Variants in LANCL2 observed in about 807,000 individuals in gnomAD.
The protein encoded by LANCL2 is LanC like glutathione S-transferase 2, also known as lanC-like protein 2.
In LANCL2, 33 loss-of-function variants were observed where a neutral mutation model predicts 56.9. The observed-to-expected ratio is 0.58, with a 90% CI of 0.44 to 0.78. LANCL2 has a LOEUF of 0.78. LANCL2 is among the 30% of genes least tolerant of loss of function. The pLI is 0.00. For synonymous variants in LANCL2, 233 were observed against 228.2 expected (o/e 1.02, Z -0.19); for missense variants, 562 against 580.2 (o/e 0.97, Z 0.32).
rs541268973 is a variant in LANCL2 at position 55,368,084 on chromosome 7, G to A, written c.204+1855G>A. ...CTATCCTTGGAGTAGGTAGGTTACAGCAATGCTTAGTGAAAGATGAATGAA... is the reference window on the plus strand; with the variant it reads ...CTATCCTTGGAGTAGGTAGGTTACAACAATGCTTAGTGAAAGATGAATGAA... On this transcript the variant is annotated intron_variant, in intron 1 of 8. Coordinates refer to ENST00000254770, the MANE Select transcript of LANCL2 (RefSeq NM_018697.4). Among the ~76,000 whole-genome samples the A allele has an allele frequency of 3.3e-5, 5 of 152,326 alleles. No individual in the cohort carries two copies. The South Asian group carries it at 1.0e-3, about 32-fold the overall frequency.
In LANCL2 at chr7:55,416,127, C is replaced by T. The variant is rs552065939; in HGVS notation, c.1008+4038C>T. Among the ~76,000 whole-genome samples, 4 of 152,310 alleles carry T rather than the reference C, an allele frequency of 2.6e-5. 1 individual carries two copies. Among genetic ancestry groups the T allele is most frequent in the Admixed American group, 2.6e-4 (4 of 15,308 alleles). ...GTTCTGGTTGTTCTGCATCTGCCAA[C>T]ACTTGATGTTGAAAGTCTTTTTAAT... On this transcript the variant is annotated intron_variant, in intron 6 of 8. Coordinates refer to ENST00000254770, the MANE Select transcript of LANCL2 (RefSeq NM_018697.4).
At chr7:55,388,459 T>C (rs1348434522) in intron 1 of LANCL2, among the ~76,000 whole-genome samples, 1 of 152,176 alleles carries the variant, frequency 6.6e-6, no homozygotes, top group East Asian at 1.9e-4. Flanking sequence ...GGCACGAGAA[T>C]GGCTTGAACC....
In LANCL2 at chr7:55,365,608, T is replaced by G; in HGVS notation, c.-418T>G. 6.4e-6 allele frequency: 1 copy of G among 156,232 alleles called. No homozygotes were observed. Among genetic ancestry groups the G allele is most frequent in the Non-Finnish European group, 1.4e-5 (1 of 70,854 alleles). 9.7% of individuals were successfully genotyped at this position (156,232 alleles called of 1,614,324 possible). A position where few individuals can be genotyped will look rare whatever the true frequency, so the allele number is the denominator to read the frequency against. ...GGCCCTAGCGGGCGTTCGGTTTTCT[T>G]TGGAAATCGCGGAGGGGGCTGGCCG... On this transcript the variant is annotated 5_prime_UTR_variant, in exon 1 of 9. Transcript: ENST00000254770.
chr7:55,391,867 G>T lies in LANCL2; in HGVS notation c.279G>T (p.Lys93Asn). 1 of 1,613,032 alleles carries T rather than the reference G, an allele frequency of 6.2e-7. No individual in the cohort carries two copies. Among genetic ancestry groups the T allele is most frequent in the South Asian group, 1.1e-5 (1 of 91,054 alleles). Residue 93 changes from lysine (K) to asparagine (N), a missense_variant, in exon 2 of 9, where the codon AAG becomes AAT. Transcript: ENST00000254770. Reference protein sequence around the residue: ...DLLQQMEEGLKTADPHDCSAY... With the variant: ...DLLQQMEEGLNTADPHDCSAY... ...TGCAGCAAATGGAAGAAGGGCTGAA[G>T]ACAGCTGATCCCCATGACTGCTCTG...
intron 2 of LANCL2, among the ~76,000 whole-genome samples, chr7:55,394,342 T>C (rs1790225461): frequency 6.6e-6 from 1 of 150,592 alleles, no homozygotes; most frequent in Admixed American, 6.6e-5. Context: ...GAGATGGAGG[T>C]GGGAGGATGG....
chr7:55,396,933 T>G (rs116738594), intron 2 of LANCL2: 1 of 152,222 alleles, frequency 6.6e-6, no homozygotes, highest in African/African-American at 2.4e-5. Context: ...ATGCTTATAT[T>G]TTTTGAATAC....
intron 5 of LANCL2, among the ~76,000 whole-genome samples, chr7:55,402,412 G>A (rs1277318711): frequency 8.3e-6 from 1 of 120,498 alleles, no homozygotes; most frequent in African/African-American, 3.2e-5. Context: ...CGGGGCGGCT[G>A]GCCGGGCGGG....
intron 1 of LANCL2, among the ~76,000 whole-genome samples, chr7:55,384,228 A>G (rs1790099896): frequency 6.6e-6 from 1 of 152,228 alleles, no homozygotes; most frequent in African/African-American, 2.4e-5. Context: ...ATAATAGTTG[A>G]GAATTTTGCA....
chr7:55,381,172 G>A (rs1790064494), intron 1 of LANCL2, among the ~76,000 whole-genome samples: 1 of 152,150 alleles, frequency 6.6e-6, no homozygotes, highest in African/African-American at 2.4e-5. Context: ...TATCTGGGCG[G>A]AGGAGTGAAT....
intron 6 of LANCL2, among the ~76,000 whole-genome samples, chr7:55,421,817 C>G (rs1562869878): frequency 6.6e-6 from 1 of 152,170 alleles, no homozygotes; most frequent in African/African-American, 2.4e-5. Context: ...GAGCTTTGCA[C>G]TCTATCTGCC....
chr7:55,389,160 AAGTT>A (rs1303030545), intron 1 of LANCL2, among the ~76,000 whole-genome samples: 6 of 152,210 alleles, frequency 3.9e-5, no homozygotes, highest in African/African-American at 9.7e-5. Context: ...TTACACAAGA[AAGTT>A]AGACATTTGT....
At chr7:55,422,346 G>A (rs978478668) in intron 6 of LANCL2, among the ~76,000 whole-genome samples, 1 of 152,054 alleles carries the variant, frequency 6.6e-6, no homozygotes, top group African/African-American at 2.4e-5. Context: ...GCAGTGTTCC[G>A]TCGTTGTCCA....
At chr7:55,429,889 A>G (rs559987946) in intron 8 of LANCL2, among the ~76,000 whole-genome samples, 3 of 152,392 alleles carry the variant, frequency 2.0e-5, no homozygotes, top group Admixed American at 2.0e-4. Context: ...CTCTCACCAA[A>G]TTCCCGTCAG....
At chr7:55,400,369 G>A (rs370835343) in intron 4 of LANCL2, among the ~76,000 whole-genome samples, 23 of 152,132 alleles carry the variant, frequency 1.5e-4, no homozygotes, top group South Asian at 8.3e-4. Flanking sequence ...TTTATCTTTC[G>A]TGAGATGTCT....
chr7:55,417,893 TGGTCTCAA>T (rs1790563512), intron 6 of LANCL2, among the ~76,000 whole-genome samples: 2 of 152,110 alleles, frequency 1.3e-5, no homozygotes, highest in Admixed American at 6.5e-5. Flanking sequence ...TTCGCCAGGC[TGGTCTCAA>T]ACTCCTGAGC....
intron 1 of LANCL2, among the ~76,000 whole-genome samples, chr7:55,372,903 A>G (rs960685639): frequency 1.1e-4 from 16 of 152,180 alleles, no homozygotes; most frequent in Non-Finnish European, 2.2e-4. Flanking sequence ...AATTCCATAC[A>G]CATACATTCT....
intron 2 of LANCL2, among the ~76,000 whole-genome samples, chr7:55,396,522 C>T (rs950381310): frequency 6.6e-6 from 1 of 152,184 alleles, no homozygotes; most frequent in Non-Finnish European, 1.5e-5. Context: ...CAACTGAGGG[C>T]GTGGGGATGG....
intron 5 of LANCL2, among the ~76,000 whole-genome samples, chr7:55,405,467 A>C (rs542760260): frequency 6.6e-6 from 1 of 150,890 alleles, no homozygotes; most frequent in Admixed American, 6.6e-5. Context: ...TCCCGGGAAA[A>C]TGTTTTAACA....
chr7:55,409,446 C>A (rs895470507), intron 5 of LANCL2, among the ~76,000 whole-genome samples: 16 of 152,288 alleles, frequency 1.1e-4, no homozygotes, highest in African/African-American at 3.8e-4. Flanking sequence ...CAGAAAGTTA[C>A]CAATTAAATG....
Sources: gnomAD v4.1 joint callset for allele counts (sites outside exome capture counted in the v4.1 genomes callset) on GRCh38, gnomAD v4.1.1 for gene constraint, MANE v1.5 for transcripts, NCBI Gene and HGNC (gene_info 2026-07-23, HGNC 2026-07-21) for gene names.